The following CCDC30 variants were observed in gnomAD, a reference collection of about 807,000 sequenced individuals.
The protein encoded by CCDC30 is coiled-coil domain-containing protein 30.
A neutral mutation model predicts 100.2 loss-of-function variants in CCDC30; 70 were observed. The ratio of observed to expected loss-of-function variants is 0.70; its 90% CI spans 0.58 to 0.85. CCDC30 has a LOEUF of 0.85. Ranked by LOEUF, CCDC30 falls within the 40% of genes least tolerant of loss-of-function variation. The pLI, the probability that CCDC30 is intolerant of heterozygous loss-of-function variation, is 0.00. For missense variants in CCDC30, 652 were observed against 771.2 expected (o/e 0.85, Z 1.83); for synonymous variants, 233 against 269.5 (o/e 0.86, Z 1.33).
At chr1:42,556,021 T>C in intron 6 of CCDC30, 135 bp from the exon 10 acceptor site, 1 of 862,232 alleles carries the variant, frequency 1.2e-6, no homozygotes, top group Non-Finnish European at 1.8e-6. Context: ...TTTTTAAGAA[T>C]AAGATGACTG....
At chr1:42,543,906 A>G (rs1278590969) in intron 6 of CCDC30, among the ~76,000 whole-genome samples, 1 of 152,228 alleles carries the variant, frequency 6.6e-6, no homozygotes, top group African/African-American at 2.4e-5. Context: ...GATCTTTATA[A>G]TTAAGTCCAT....
intron 13 of CCDC30, among the ~76,000 whole-genome samples, chr1:42,643,270 A>G (rs961867350): frequency 6.6e-6 from 1 of 152,226 alleles, no homozygotes; most frequent in African/African-American, 2.4e-5. Context: ...ATAGGAAGCC[A>G]AGGTCTAGAG....
chr1:42,641,344 C>G (rs901297688), intron 12 of CCDC30, among the ~76,000 whole-genome samples: 1 of 151,746 alleles, frequency 6.6e-6, no homozygotes, highest in Non-Finnish European at 1.5e-5. Context: ...TCCCAGAGTG[C>G]TGAGATTACA....
chr1:42,605,704 C>T (rs574240271), intron 10 of CCDC30, among the ~76,000 whole-genome samples: 1 of 152,238 alleles, frequency 6.6e-6, no homozygotes, highest in South Asian at 2.1e-4. Context: ...CCAGGCTGGT[C>T]TTGAACTCCT....
intron 11 of CCDC30, among the ~76,000 whole-genome samples, chr1:42,622,831 AAT>A (rs1298458669): frequency 6.6e-6 from 1 of 152,078 alleles, no homozygotes; most frequent in African/African-American, 2.4e-5. Flanking sequence ...TGGTTGTACT[AAT>A]TTACATTCCC....
At chr1:42,463,808 G>A (rs532187144) in exon 1 of CCDC30, 28 of 151,590 alleles carry the variant, frequency 1.8e-4, no homozygotes, top group African/African-American at 6.1e-4. Context: ...ACCGTTTTCT[G>A]ATTTTTTTTG....
chr1:42,603,164 G>A (rs755586343), intron 10 of CCDC30, among the ~76,000 whole-genome samples: 3 of 152,188 alleles, frequency 2.0e-5, no homozygotes, highest in Non-Finnish European at 4.4e-5. Context: ...GATGCCAGCA[G>A]TATTGGTGTC....
intron 6 of CCDC30, among the ~76,000 whole-genome samples, chr1:42,529,092 A>G (rs1345170991): frequency 6.6e-6 from 1 of 152,164 alleles, no homozygotes; most frequent in Non-Finnish European, 1.5e-5. Flanking sequence ...TTTCACTTAC[A>G]TCATCCCACA....
chr1:42,493,170 G>A (rs1644173330), intron 4 of CCDC30, among the ~76,000 whole-genome samples: 1 of 151,874 alleles, frequency 6.6e-6, no homozygotes, highest in Non-Finnish European at 1.5e-5. Context: ...AGAATAAGGT[G>A]AGCAGAATAA....
chr1:42,579,013 A>G (rs1441809585), intron 8 of CCDC30, among the ~76,000 whole-genome samples: 1 of 151,998 alleles, frequency 6.6e-6, no homozygotes, highest in Non-Finnish European at 1.5e-5. Flanking sequence ...TGTTTTTGAG[A>G]CAGAGTCTCG....
chr1:42,545,948 TTAATAA>T lies in CCDC30; in HGVS notation c.457-20331_457-20326del, dbSNP rs56842129. ...AACAGAGCTAGACCCTGTTTCAAAA[TTAATAA>T]TAATAATAATAATAATTTAATATTC... is the stretch of plus-strand genomic sequence containing the variant. On this transcript the variant is annotated intron_variant, in intron 6 of 16. Transcript: ENST00000668663. Among the ~76,000 whole-genome samples the T allele has an allele frequency of 6.9e-4, 102 of 148,578 alleles. 1 individual carries two copies. The highest frequency in any genetic ancestry group is 2.4e-3 in the African/African-American group (98 of 40,536).
intron 7 of CCDC30, among the ~76,000 whole-genome samples, chr1:42,572,211 A>T (rs1645747847): frequency 6.6e-6 from 1 of 152,190 alleles, no homozygotes; most frequent in Non-Finnish European, 1.5e-5. Flanking sequence ...CAAACCTAGT[A>T]TACGTGTATA....
chr1:42,577,097 C>T, exon 8 of CCDC30: 2 of 1,614,034 alleles, frequency 1.2e-6, no homozygotes, highest in Non-Finnish European at 8.5e-7. Flanking sequence ...CGGCAGAGTA[C>T]AAGCACTGTC....
At chr1:42,479,090 C>A (rs918996071) in intron 1 of CCDC30, among the ~76,000 whole-genome samples, 2 of 152,116 alleles carry the variant, frequency 1.3e-5, no homozygotes, top group Non-Finnish European at 2.9e-5. Context: ...AAAATATATT[C>A]TTGGGCTGGA....
At chr1:42,551,742 G>GGT (rs34048456) in intron 6 of CCDC30, among the ~76,000 whole-genome samples, 45,365 of 144,314 alleles carry the variant, frequency 0.31, 7,285 homozygotes, top group East Asian at 0.56. Context: ...GATAAATTCT[G>GGT]GTGTGTGTGT....
chr1:42,484,546 G>A (rs1219057639), intron 3 of CCDC30, among the ~76,000 whole-genome samples: 2 of 152,168 alleles, frequency 1.3e-5, no homozygotes, highest in African/African-American at 4.8e-5. Flanking sequence ...CATCTCCACA[G>A]TGAGTCTATT....
intron 9 of CCDC30, among the ~76,000 whole-genome samples, chr1:42,588,433 G>A (rs534968970): frequency 6.6e-6 from 1 of 152,304 alleles, no homozygotes; most frequent in African/African-American, 2.4e-5. Context: ...ATGACCCAGT[G>A]TCTAAGTGTG....
At chr1:42,601,712 A>C (rs909517121) in intron 10 of CCDC30, among the ~76,000 whole-genome samples, 2 of 152,194 alleles carry the variant, frequency 1.3e-5, no homozygotes, top group Non-Finnish European at 2.9e-5. Context: ...CTAGAAAGAC[A>C]AAAAGAAGCC....
intron 6 of CCDC30, 23 bp downstream of exon 10, chr1:42,556,428 C>A (rs748191400): frequency 2.0e-5 from 32 of 1,562,132 alleles, no homozygotes; most frequent in Non-Finnish European, 2.7e-5. Flanking sequence ...AACACATGCC[C>A]TGACTGGGTT....
Sources: allele counts gnomAD v4.1 joint callset (sites outside exome capture counted in the v4.1 genomes callset), GRCh38; gene constraint gnomAD v4.1.1; transcripts MANE v1.5; gene names NCBI Gene and HGNC (gene_info 2026-07-23, HGNC 2026-07-21).